GJA8: variants seen among roughly 807,000 people sequenced by gnomAD.
GJA8 encodes the protein gap junction protein alpha 8, also known as gap junction alpha-8 protein.
GJA8 carries 13 observed loss-of-function variants against 15.3 expected under a neutral mutation model. That is an observed-to-expected ratio of 0.85 (90% CI 0.55 to 1.35). The LOEUF (loss-of-function observed/expected upper bound fraction) is 1.35. Among genes scored for constraint, GJA8 ranks in the 40% most tolerant of loss-of-function variants. The probability of loss-of-function intolerance (pLI) is 0.00; values close to 1 mark genes in which losing one functional copy is unlikely to be tolerated. For synonymous variants in GJA8, 304 were observed against 238.7 expected (o/e 1.27, Z -2.52); for missense variants, 607 against 553.3 (o/e 1.10, Z -0.97).
At chr1:147,911,048 A>G (rs1553243396), downstream of GJA8, among the ~76,000 whole-genome samples, 1 of 152,218 alleles carries the variant, frequency 6.6e-6, no homozygotes, top group Non-Finnish European at 1.5e-5. Context: ...GAGAAAACTA[A>G]GATGGTTCAC....
downstream of GJA8, among the ~76,000 whole-genome samples, chr1:147,911,763 A>C (rs1476741827): frequency 6.6e-6 from 1 of 152,190 alleles, no homozygotes; most frequent in African/African-American, 2.4e-5. Flanking sequence ...TCATTACCAG[A>C]ATAAAGTGTC....
At chr1:147,910,051 C>A (rs1306480763), downstream of GJA8, among the ~76,000 whole-genome samples, 1 of 152,030 alleles carries the variant, frequency 6.6e-6, no homozygotes, top group Non-Finnish European at 1.5e-5. Context: ...GTACAGATGG[C>A]GTTTCACCAT....
chr1:147,909,306 G>A (rs1651997544), downstream of GJA8: 2 of 1,338,624 alleles, frequency 1.5e-6, no homozygotes, highest in African/African-American at 1.5e-5. Context: ...CGTAGGGCAA[G>A]ATGAAAGGAA....
intron 1 of GJA8, among the ~76,000 whole-genome samples, chr1:147,904,854 T>A (rs1420898254): frequency 6.6e-6 from 1 of 151,430 alleles, no homozygotes; most frequent in Non-Finnish European, 1.5e-5. Flanking sequence ...ACTAGACATT[T>A]AAAAAAAAAT....
intron 1 of GJA8, among the ~76,000 whole-genome samples, chr1:147,905,418 A>G (rs1651752340): frequency 6.6e-6 from 1 of 152,246 alleles, no homozygotes; most frequent in South Asian, 2.1e-4. Context: ...TCATGTGGGT[A>G]TGTGAGTGAA....
chr1:147,904,389 C>T (rs587705122), intron 1 of GJA8, among the ~76,000 whole-genome samples: 1 of 152,160 alleles, frequency 6.6e-6, no homozygotes, highest in East Asian at 1.9e-4. Flanking sequence ...AAATAAGATA[C>T]GTGAAAATGT....
chr1:147,906,856 C>T (rs1370490594), intron 1 of GJA8, among the ~76,000 whole-genome samples: 1 of 152,134 alleles, frequency 6.6e-6, no homozygotes, highest in South Asian at 2.1e-4. Flanking sequence ...ATATATTTAG[C>T]CTCTCTGAGC....
chr1:147,909,246 C>T lies in GJA8; in HGVS notation c.1291C>T (p.Leu431=). Residue 431 remains leucine (L), a synonymous_variant, in exon 2 of 2, where the codon CTA becomes TTA. Transcript: ENST00000369235. ...CAGCAGCCGAGCCAGGTCAGACGATCTAACCGTATGAAGTGACGCCAAAGA... is the reference window on the plus strand; with the variant it reads ...CAGCAGCCGAGCCAGGTCAGACGATTTAACCGTATGAAGTGACGCCAAAGA... ...KASSRARSDD[L]TV 1 of 1,212,352 alleles carries T rather than the reference C, an allele frequency of 8.2e-7. No homozygotes were observed. The highest frequency in any genetic ancestry group is 1.2e-6 in the Non-Finnish European group (1 of 849,078). 75.1% of individuals were successfully genotyped at this position (1,212,352 alleles called of 1,614,324 possible). A position where few individuals can be genotyped will look rare whatever the true frequency, so the allele number is the denominator to read the frequency against.
chr1:147,904,667 C>G (rs1443728698), intron 1 of GJA8, among the ~76,000 whole-genome samples: 1 of 152,232 alleles, frequency 6.6e-6, no homozygotes, highest in Non-Finnish European at 1.5e-5. Flanking sequence ...CTTTGCTTCT[C>G]TGATCTGACT....
chr1:147,913,837 G>A (rs1652276843), downstream of GJA8, among the ~76,000 whole-genome samples: 1 of 152,148 alleles, frequency 6.6e-6, no homozygotes, highest in Non-Finnish European at 1.5e-5. Context: ...TTGCCTGGTT[G>A]GAAGAAAAAC....
downstream of GJA8, among the ~76,000 whole-genome samples, chr1:147,913,816 A>G (rs1652275322): frequency 6.6e-6 from 1 of 152,212 alleles, no homozygotes; most frequent in Non-Finnish European, 1.5e-5. Flanking sequence ...CAAAGTTTAG[A>G]TGAGAAAGGT....
Position 147,908,831 on chromosome 1 carries a change from G to GC in GJA8, c.878dup (p.Ala294CysfsTer86). On this transcript the variant is annotated frameshift_variant, in exon 2 of 2. Coordinates refer to ENST00000369235, the MANE Select transcript of GJA8 (RefSeq NM_005267.5). LOFTEE classifies it low-confidence loss of function (END_TRUNC). Reference sequence around the variant, plus strand: ...TTGGGATGGTGGAGACCAGCCCACTGCCTGCCAAGCCTTTCAATCAGTTCG... The same window carrying GC: ...TTGGGATGGTGGAGACCAGCCCACTGCCCTGCCAAGCCTTTCAATCAGTTCG... The GC allele has an allele frequency of 6.2e-7, 1 of 1,614,194 alleles. No homozygotes were observed. Among genetic ancestry groups the GC allele is most frequent in the Non-Finnish European group, 8.5e-7 (1 of 1,180,042 alleles).
chr1:147,908,993 G>A lies in GJA8; in HGVS notation c.1038G>A (p.Val346=), dbSNP rs782731692. The change falls in exon 2 of 2, where the codon GTG becomes GTA. Residue 346 remains valine (V), a synonymous_variant. Coordinates refer to ENST00000369235, the MANE Select transcript of GJA8 (RefSeq NM_005267.5). ...PPAEEGAEPE[V]GEKKEEAERL... is the part of the protein sequence containing the mutation. ...CAGAGGAGGGAGCCGAACCCGAGGTGGGAGAGAAGAAGGAGGAAGCAGAGA... is the reference window on the plus strand; with the variant it reads ...CAGAGGAGGGAGCCGAACCCGAGGTAGGAGAGAAGAAGGAGGAAGCAGAGA... The A allele has an allele frequency of 2.5e-6, 4 of 1,595,358 alleles. No individual in the cohort carries two copies. The highest frequency in any genetic ancestry group is 1.1e-5 in the South Asian group (1 of 89,086).
chr1:147,908,516 C>T lies in GJA8; in HGVS notation c.561C>T (p.Pro187=), dbSNP rs1553242745. The change falls in exon 2 of 2, where the codon CCC becomes CCT. Residue 187 remains proline (P), a synonymous_variant. Transcript: ENST00000369235. The part of the protein sequence containing the change: ...ILPLYRCSRW[P]CPNVVDCFVS... ...CTCTGTACCGCTGCAGCCGGTGGCCCTGCCCCAATGTGGTGGACTGCTTCG... is the reference window on the plus strand; with the variant it reads ...CTCTGTACCGCTGCAGCCGGTGGCCTTGCCCCAATGTGGTGGACTGCTTCG... The T allele has an allele frequency of 5.6e-6, 9 of 1,614,054 alleles. No individual in the cohort carries two copies. The highest frequency in any genetic ancestry group is 3.4e-6 in the Non-Finnish European group (4 of 1,180,024).
chr1:147,912,166 T>C (rs1361438222), downstream of GJA8, among the ~76,000 whole-genome samples: 1 of 152,056 alleles, frequency 6.6e-6, no homozygotes, highest in Non-Finnish European at 1.5e-5. Flanking sequence ...CATCCAGGGG[T>C]GTCCTAAAGA....
intron 1 of GJA8, among the ~76,000 whole-genome samples, chr1:147,906,057 C>A (rs1406799601): frequency 6.6e-6 from 1 of 152,240 alleles, no homozygotes; most frequent in Non-Finnish European, 1.5e-5. Context: ...TAGTATCCTG[C>A]CACCAGGTTC....
At chr1:147,913,849 C>G (rs1652277221), downstream of GJA8, among the ~76,000 whole-genome samples, 1 of 152,184 alleles carries the variant, frequency 6.6e-6, no homozygotes, top group East Asian at 1.9e-4. Context: ...AAGAAAAACT[C>G]TTCTGAGTGT....
chr1:147,910,783 C>A (rs1456452665), downstream of GJA8, among the ~76,000 whole-genome samples: 1 of 152,062 alleles, frequency 6.6e-6, no homozygotes, highest in African/African-American at 2.4e-5. Context: ...CAGGGTGGCA[C>A]CAGAGGGAGC....
At chr1:147,913,747 CT>C (rs1553243752), downstream of GJA8, among the ~76,000 whole-genome samples, 1 of 152,200 alleles carries the variant, frequency 6.6e-6, no homozygotes, top group Non-Finnish European at 1.5e-5. Flanking sequence ...TCTCCTTTCC[CT>C]GACCATGATT....
Sources: allele counts gnomAD v4.1 joint callset (sites outside exome capture counted in the v4.1 genomes callset), GRCh38; gene constraint gnomAD v4.1.1; transcripts MANE v1.5; gene names NCBI Gene and HGNC (gene_info 2026-07-23, HGNC 2026-07-21).